The following ESR1 variants were observed in gnomAD, a reference collection of about 807,000 sequenced individuals.
The protein encoded by ESR1 is estrogen receptor 1.
A neutral mutation model predicts 52.7 loss-of-function variants in ESR1; 12 were observed. That is an observed-to-expected ratio of 0.23 (90% CI 0.15 to 0.37). The LOEUF is 0.37. ESR1 is among the 10% of genes least tolerant of loss of function. ESR1 has a pLI of 1.00. For synonymous variants in ESR1, 305 were observed against 316.8 expected (o/e 0.96, Z 0.39); for missense variants, 584 against 779.7 (o/e 0.75, Z 2.99).
intron 2 of ESR1, among the ~76,000 whole-genome samples, chr6:151,782,457 T>C (rs1786639258): frequency 6.6e-6 from 1 of 152,240 alleles, no homozygotes; most frequent in South Asian, 2.1e-4. Flanking sequence ...TTTGGGTTTT[T>C]TAAGTTTGCT....
chr6:151,796,794 T>C (rs1186475648), intron 2 of ESR1, among the ~76,000 whole-genome samples: 1 of 152,186 alleles, frequency 6.6e-6, no homozygotes, highest in Admixed American at 6.5e-5. Context: ...CTGGTGGTTG[T>C]CAAAGCAGTC....
At chr6:151,825,855 G>A (rs1216565742) in intron 1 of ESR1, among the ~76,000 whole-genome samples, 1 of 144,500 alleles carries the variant, frequency 6.9e-6, no homozygotes, top group Admixed American at 7.1e-5. Context: ...AGGTTGCAGT[G>A]AGCCAAGATC....
chr6:151,881,992 T>A (rs1429511564), intron 3 of ESR1, among the ~76,000 whole-genome samples: 1 of 152,190 alleles, frequency 6.6e-6, no homozygotes, highest in African/African-American at 2.4e-5. Context: ...CTGATGATGG[T>A]GCTACCTGCT....
At chr6:152,045,176 G>A (rs2046127911) in intron 5 of ESR1, among the ~76,000 whole-genome samples, 1 of 152,176 alleles carries the variant, frequency 6.6e-6, no homozygotes. Flanking sequence ...CAATTACTGT[G>A]AGCAGATGAA....
intron 5 of ESR1, among the ~76,000 whole-genome samples, chr6:152,031,926 A>C (rs949691359): frequency 3.3e-5 from 5 of 152,234 alleles, no homozygotes; most frequent in Admixed American, 1.3e-4. Flanking sequence ...GCAGCACATC[A>C]AAAAGCTTAT....
chr6:151,692,922 C>A (rs1380261962), intron 1 of ESR1, among the ~76,000 whole-genome samples: 1 of 152,214 alleles, frequency 6.6e-6, no homozygotes, highest in African/African-American at 2.4e-5. Flanking sequence ...TACCTCTGCT[C>A]AGGTTTTCCA....
chr6:151,903,468 T>C (rs1796981203), intron 3 of ESR1, among the ~76,000 whole-genome samples: 1 of 152,216 alleles, frequency 6.6e-6, no homozygotes, highest in Admixed American at 6.5e-5. Context: ...TTTGAACATA[T>C]ACTTTGGCCT....
chr6:151,723,893 C>T (rs1046151366), intron 2 of ESR1, among the ~76,000 whole-genome samples: 4 of 151,908 alleles, frequency 2.6e-5, no homozygotes, highest in African/African-American at 9.7e-5. Context: ...AACAAAAGAA[C>T]AGTGCTGGTA....
At chr6:151,743,503 C>T (rs1193059186) in intron 2 of ESR1, among the ~76,000 whole-genome samples, 3 of 152,190 alleles carry the variant, frequency 2.0e-5, no homozygotes, top group African/African-American at 7.2e-5. Flanking sequence ...AAATACCACT[C>T]ATGGCATCCT....
intron 4 of ESR1, among the ~76,000 whole-genome samples, chr6:151,980,581 TTTCTC>T (rs770053254): frequency 1.4e-4 from 22 of 152,200 alleles, no homozygotes; most frequent in Non-Finnish European, 3.1e-4. Context: ...ATTGCATTCT[TTTCTC>T]TTTGGAGTAG....
At position 152,122,627 on chromosome 6, in the gene ESR1, G is replaced by A. The variant is rs775447824; in HGVS notation, c.851-2639G>A. The A allele has an allele frequency of 5.0e-6, 8 of 1,613,998 alleles. No homozygotes were observed. The African/African-American group carries it at 5.3e-5, about 11-fold the overall frequency. ...CTGAACAGGAAGCCGCGGCCGGACCGACCTGGCCCTGGCTCAGAAAGGGAG... is the reference window on the plus strand; with the variant it reads ...CTGAACAGGAAGCCGCGGCCGGACCAACCTGGCCCTGGCTCAGAAAGGGAG... On this transcript the variant is annotated intron_variant, in intron 6 of 6. Transcript: ENST00000427531.
chr6:151,786,079 G>A (rs902620534), intron 2 of ESR1, among the ~76,000 whole-genome samples: 1 of 152,118 alleles, frequency 6.6e-6, no homozygotes, highest in African/African-American at 2.4e-5. Context: ...GACCTCCAAG[G>A]CCCTGCCCGC....
At chr6:151,988,127 G>C (rs1037044522) in intron 4 of ESR1, among the ~76,000 whole-genome samples, 1 of 152,040 alleles carries the variant, frequency 6.6e-6, no homozygotes, top group South Asian at 2.1e-4. Flanking sequence ...TACATTAATT[G>C]TGCACTTTAT....
intron 1 of ESR1, among the ~76,000 whole-genome samples, chr6:151,835,513 G>A (rs914728232): frequency 2.6e-5 from 4 of 152,228 alleles, no homozygotes; most frequent in South Asian, 4.1e-4. Context: ...CTAACTAGAT[G>A]TCATGAGATG....
intron 1 of ESR1, among the ~76,000 whole-genome samples, chr6:151,697,081 C>G (rs987377089): frequency 1.3e-5 from 2 of 152,144 alleles, no homozygotes; most frequent in African/African-American, 4.8e-5. Context: ...GGAGCTTGAA[C>G]TTTATCTTGT....
chr6:152,101,860 G>A lies in ESR1; in HGVS notation c.*2894G>A. 1 of 223,804 alleles carries A rather than the reference G, an allele frequency of 4.5e-6. No homozygotes were observed. The highest frequency in any genetic ancestry group is 8.9e-6 in the Non-Finnish European group (1 of 112,024). 13.9% of individuals were successfully genotyped at this position (223,804 alleles called of 1,614,324 possible). ...GTTCAGTAGAGTCCACTTCTGCCCT[G>A]GAGACCACAAATCAACTAGCTCCAT... On this transcript the variant is annotated 3_prime_UTR_variant, in exon 8 of 8. Coordinates refer to ENST00000206249, the MANE Select transcript of ESR1 (RefSeq NM_000125.4).
At chr6:151,965,462 G>A (rs978354161) in intron 4 of ESR1, among the ~76,000 whole-genome samples, 3 of 151,970 alleles carry the variant, frequency 2.0e-5, no homozygotes, top group African/African-American at 7.2e-5. Flanking sequence ...TTACCTAAAA[G>A]GTTATCCTTA....
At chr6:151,657,185 A>G (rs1231731430) in intron 1 of ESR1, among the ~76,000 whole-genome samples, 5 of 152,160 alleles carry the variant, frequency 3.3e-5, no homozygotes, top group Admixed American at 1.3e-4. Flanking sequence ...ACTGATTTAG[A>G]TAGGCAGTTG....
chr6:151,982,082 TA>T (rs2040042606), intron 4 of ESR1, among the ~76,000 whole-genome samples: 1 of 152,236 alleles, frequency 6.6e-6, no homozygotes, highest in African/African-American at 2.4e-5. Flanking sequence ...ATTCATTCAA[TA>T]AAAACGTATA....
Sources: gnomAD v4.1 joint callset for allele counts (sites outside exome capture counted in the v4.1 genomes callset) on GRCh38, gnomAD v4.1.1 for gene constraint, MANE v1.5 for transcripts, NCBI Gene and HGNC (gene_info 2026-07-23, HGNC 2026-07-21) for gene names.